RMDN2: variants seen among roughly 807,000 people sequenced by gnomAD.
RMDN2 encodes regulator of microtubule dynamics protein 2.
A neutral mutation model predicts 52.8 loss-of-function variants in RMDN2; 61 were observed. The ratio of observed to expected loss-of-function variants is 1.16; its 90% CI spans 0.94 to 1.43. The LOEUF (loss-of-function observed/expected upper bound fraction) is 1.43, where lower values mean the gene tolerates loss of function less well. RMDN2 is among the 40% of genes most tolerant of loss of function. RMDN2 has a pLI of 0.00. For synonymous variants in RMDN2, 180 were observed against 153.1 expected, an observed-to-expected ratio of 1.18 and a Z score of -1.30; for missense variants, 592 against 475.3, an observed-to-expected ratio of 1.25 and a Z score of -2.28.
rs912910929 is a variant in RMDN2 at position 38,062,621 on chromosome 2, TTTA to T, written c.1714-4350_1714-4348del. On this transcript the variant is annotated intron_variant, in intron 10 of 10. Transcript: ENST00000234195. Reference sequence around the variant, plus strand: ...TCATACTGTAGCATTTTTTTTTAATTTTATTATTATTATACTTTAAGTTTTAGG... The same window carrying T: ...TCATACTGTAGCATTTTTTTTTAATTTTATTATTATACTTTAAGTTTTAGG... Among the ~76,000 whole-genome samples the T allele has an allele frequency of 4.6e-5, 7 of 152,040 alleles. No individual in the cohort carries two copies. The South Asian group carries it at 1.5e-3, about 32-fold the overall frequency.
chr2:37,951,958 T>C, intron 2 of RMDN2: 1 of 1,613,474 alleles, frequency 6.2e-7, no homozygotes, highest in Non-Finnish European at 8.5e-7. Flanking sequence ...TTAAAAGATT[T>C]CCTTCATCCT....
rs571211700 is a variant in RMDN2, at chr2:38,009,063, C to T, written c.1179+4847C>T. On this transcript the variant is annotated intron_variant, in intron 10 of 10. Coordinates refer to ENST00000354545, the MANE Select transcript of RMDN2 (RefSeq NM_001170791.3). ...TCTCTTCTGGCTTGTAGAGTTTCTG[C>T]TGAGAGATCAGCTGTTAGTCTGATG... Among the ~76,000 whole-genome samples the T allele has an allele frequency of 5.9e-5, 9 of 152,316 alleles. No homozygotes were observed. The South Asian group carries it at 1.9e-3, about 32-fold the overall frequency.
At chr2:38,046,008 G>C (rs1196996484) in intron 10 of RMDN2, among the ~76,000 whole-genome samples, 1 of 152,146 alleles carries the variant, frequency 6.6e-6, no homozygotes, top group Non-Finnish European at 1.5e-5. Context: ...GATGACTCAG[G>C]GAATGAGGTC....
chr2:37,974,507 A>G lies in RMDN2; in HGVS notation c.627+293A>G, dbSNP rs138550164. Among the ~76,000 whole-genome samples, 140 of 151,434 alleles carry G rather than the reference A, an allele frequency of 9.2e-4. 2 individuals are homozygous for G. In the East Asian group the frequency reaches 0.023, roughly 25 times the overall value. On this transcript the variant is annotated intron_variant, in intron 3 of 10. Transcript: ENST00000354545. The stretch of plus-strand genomic sequence containing the variant: ...TGATTTTTTTTTTTTACTAATTTAT[A>G]TATTTAACAAATATTTTGAGACAGA...
In RMDN2 at chr2:38,052,606, T is replaced by C. The variant is rs571826718; in HGVS notation, c.1714-14376T>C. Among the ~76,000 whole-genome samples the C allele has an allele frequency of 2.0e-4, 31 of 152,330 alleles. No individual in the cohort carries two copies. In the South Asian group the frequency reaches 2.7e-3, roughly 13 times the overall value. On this transcript the variant is annotated intron_variant, in intron 10 of 10. Transcript: ENST00000234195. ...GCCATAAAATCTTTGCCTACACCAA[T>C]GTCCTGGAGCAAGTAGTTTTATAGT...
Position 37,928,103 on chromosome 2 carries a change from G to C in RMDN2, c.-16-1159G>C, listed in dbSNP as rs182750747. On this transcript the variant is annotated intron_variant, in intron 1 of 10. Coordinates refer to ENST00000354545, the MANE Select transcript of RMDN2 (RefSeq NM_001170791.3). ...GGATATAATATTCACTAACACCTGA[G>C]GTAATTTCTGGAAGATTATTTTAAA... Among the ~76,000 whole-genome samples the C allele has an allele frequency of 3.9e-5, 6 of 152,270 alleles. No individual in the cohort carries two copies. In the East Asian group the frequency reaches 1.2e-3, roughly 29 times the overall value.
intron 8 of RMDN2, chr2:38,002,754 G>C (rs1196819100): frequency 6.6e-6 from 1 of 152,222 alleles, no homozygotes; most frequent in Non-Finnish European, 1.5e-5. Context: ...ATAAAACTGG[G>C]AAGGAGAAAC....
intron 10 of RMDN2, among the ~76,000 whole-genome samples, chr2:38,010,365 C>G (rs904429368): frequency 7.2e-5 from 11 of 152,196 alleles, no homozygotes; most frequent in Non-Finnish European, 1.2e-4. Flanking sequence ...CCACCTAATT[C>G]GAGCTTCCTG....
In RMDN2 at chr2:37,974,123, T is replaced by C; in HGVS notation, c.536T>C (p.Leu179Ser). The C allele has an allele frequency of 1.9e-6, 3 of 1,613,288 alleles. No homozygotes were observed. Among genetic ancestry groups the C allele is most frequent in the Non-Finnish European group, 2.5e-6 (3 of 1,179,288 alleles). ...AFNTRVEELN[L>S]DVLLQKVDHL... Reference sequence around the variant, plus strand: ...AACACACGTGTAGAGGAATTAAATTTAGATGTCCTTCTTCAGAAGGTAGAT... The same window carrying C: ...AACACACGTGTAGAGGAATTAAATTCAGATGTCCTTCTTCAGAAGGTAGAT... The change falls in exon 3 of 11, where the codon TTA (leucine) becomes TCA (serine). Residue 179 changes from leucine to serine, a missense_variant. Coordinates refer to ENST00000354545, the MANE Select transcript of RMDN2 (RefSeq NM_001170791.3).
intron 10 of RMDN2, among the ~76,000 whole-genome samples, chr2:38,039,087 C>G (rs545440229): frequency 0.085 from 9,658 of 113,766 alleles, 705 homozygotes; most frequent in East Asian, 0.28. Context: ...CACACACACA[C>G]ACACACAGAG....
chr2:38,011,162 T>G (rs1558549602), intron 10 of RMDN2, among the ~76,000 whole-genome samples: 1 of 152,222 alleles, frequency 6.6e-6, no homozygotes, highest in African/African-American at 2.4e-5. Flanking sequence ...CAGTCCTCAA[T>G]TCACAGCAGG....
intron 2 of RMDN2, among the ~76,000 whole-genome samples, chr2:37,935,324 G>C (rs972917089): frequency 2.6e-5 from 4 of 152,136 alleles, no homozygotes; most frequent in African/African-American, 9.7e-5. Flanking sequence ...TCACTTTCAT[G>C]AGCCAAAAAT....
At position 38,033,796 on chromosome 2, in the gene RMDN2, G is replaced by A. The variant is rs138948821; in HGVS notation, c.1713+29580G>A. 7.1e-3 allele frequency among the ~76,000 whole-genome samples: 1,080 copies of A among 152,302 alleles called. 7 individuals carry two copies. Among genetic ancestry groups the A allele is most frequent in the Non-Finnish European group, 0.011 (746 of 68,026 alleles). On this transcript the variant is annotated intron_variant, in intron 10 of 10. Coordinates refer to the RMDN2 transcript ENST00000234195. The stretch of plus-strand genomic sequence containing the variant: ...GGGAATCCAAACTTTCCATGTCCAG[G>A]AATTCATGAGATTCCTCCCCCAACC...
At chr2:37,946,260 AG>A (rs1447316900) in intron 2 of RMDN2, among the ~76,000 whole-genome samples, 2 of 152,086 alleles carry the variant, frequency 1.3e-5, no homozygotes, top group East Asian at 3.9e-4. Flanking sequence ...TTGGAGGTGT[AG>A]GGGGTTGGAA....
At chr2:37,954,235 G>A (rs1185403993) in intron 2 of RMDN2, among the ~76,000 whole-genome samples, 1 of 151,858 alleles carries the variant, frequency 6.6e-6, no homozygotes, top group Non-Finnish European at 1.5e-5. Flanking sequence ...TTCTTTTATT[G>A]CCTATGCTTT....
chr2:37,985,065 A>G (rs527751426), intron 5 of RMDN2, among the ~76,000 whole-genome samples: 1 of 152,172 alleles, frequency 6.6e-6, no homozygotes, highest in Non-Finnish European at 1.5e-5. Flanking sequence ...CTAGGGGCAG[A>G]TTATTTAAAA....
chr2:38,012,721 C>A, intron 10 of RMDN2: 6 of 372,426 alleles, frequency 1.6e-5, no homozygotes, highest in South Asian at 1.3e-4. Context: ...TAATACCCCT[C>A]CATCTCTATA....
At position 38,004,118 on chromosome 2, in the gene RMDN2, G is replaced by T. The variant is rs1558538178; in HGVS notation, c.1099-18G>T. On this transcript the variant is annotated intron_variant, in intron 9 of 10. Coordinates refer to ENST00000354545, the MANE Select transcript of RMDN2 (RefSeq NM_001170791.3). ...TAAAAACGGATTATGTTTAATATTG[G>T]TTATTTCTCATTTCCAGTGTTATAC... 1 of 1,611,222 alleles carries T rather than the reference G, an allele frequency of 6.2e-7. No individual in the cohort carries two copies. Among genetic ancestry groups the T allele is most frequent in the Non-Finnish European group, 8.5e-7 (1 of 1,177,590 alleles).
chr2:37,994,277 C>T (rs1283595430), intron 7 of RMDN2, among the ~76,000 whole-genome samples: 1 of 152,178 alleles, frequency 6.6e-6, no homozygotes, highest in Non-Finnish European at 1.5e-5. Flanking sequence ...GAGGAATTGG[C>T]ATCGGATAGA....
Sources: allele counts gnomAD v4.1 joint callset (sites outside exome capture counted in the v4.1 genomes callset), GRCh38; gene constraint gnomAD v4.1.1; transcripts MANE v1.5; gene names NCBI Gene and HGNC (gene_info 2026-07-23, HGNC 2026-07-21).